Variants in SCN10A observed in about 807,000 individuals in gnomAD.
SCN10A encodes sodium channel protein type 10 subunit alpha.
A neutral mutation model predicts 170.7 loss-of-function variants in SCN10A; 162 were observed. The observed-to-expected ratio is 0.95, with a 90% CI of 0.84 to 1.08. SCN10A has a LOEUF of 1.08. Among genes scored for constraint, SCN10A ranks in the 50% least tolerant of loss-of-function variants. The pLI, the probability that SCN10A is intolerant of heterozygous loss-of-function variation, is 0.00. For synonymous variants in SCN10A, 985 were observed against 904.6 expected (o/e 1.09, Z -1.59); for missense variants, 2,527 against 2,436.9 (o/e 1.04, Z -0.78).
chr3:38,813,760 C>G (rs1366554862), intron 1 of SCN10A, among the ~76,000 whole-genome samples: 2 of 152,152 alleles, frequency 1.3e-5, no homozygotes, highest in Admixed American at 1.3e-4. Context: ...ATCTAATGAG[C>G]AAGATGGACC....
intron 8 of SCN10A, among the ~76,000 whole-genome samples, chr3:38,758,907 A>G (rs1306884413): frequency 2.0e-5 from 3 of 152,182 alleles, no homozygotes; most frequent in African/African-American, 7.2e-5. Flanking sequence ...GAGAAATGCC[A>G]TTATCTAGAC....
intron 26 of SCN10A, among the ~76,000 whole-genome samples, chr3:38,705,824 A>C (rs184687608): frequency 1.6e-4 from 24 of 152,286 alleles, no homozygotes; most frequent in Non-Finnish European, 2.9e-5. Flanking sequence ...CCACAAGTAA[A>C]GGCCAGTGTG....
chr3:38,741,018 A>T (rs1575985242), intron 14 of SCN10A, among the ~76,000 whole-genome samples: 1 of 152,300 alleles, frequency 6.6e-6, no homozygotes, highest in East Asian at 1.9e-4. Flanking sequence ...AACATGAGGC[A>T]TGCTGATTCC....
Position 38,698,385 on chromosome 3 carries a change from A to AC in SCN10A, c.4834_4835insG (p.Leu1612ArgfsTer68). 2 of 1,614,218 alleles carry AC rather than the reference A, an allele frequency of 1.2e-6. No individual in the cohort carries two copies. The highest frequency in any genetic ancestry group is 3.3e-4 in the Middle Eastern group (2 of 6,062). On this transcript the variant is annotated frameshift_variant, in exon 28 of 28. Transcript: ENST00000449082. LOFTEE classifies it high-confidence loss of function. ...GATGAACATGACAAGGAATAGCAAC[A>AC]GCCCGATGTTGAAGAGGGCAGGCAG...
At chr3:38,800,592 C>T (rs1405862841) in intron 1 of SCN10A, among the ~76,000 whole-genome samples, 1 of 152,072 alleles carries the variant, frequency 6.6e-6, no homozygotes, top group Non-Finnish European at 1.5e-5. Flanking sequence ...GAAAAAGAGA[C>T]CTGGCACCAA....
At position 38,752,388 on chromosome 3, in the gene SCN10A, T is replaced by A; in HGVS notation, c.1586A>T (p.Asp529Val). Residue 529 changes from aspartate to valine, a missense_variant, in exon 12 of 28, where the codon GAC becomes GTC. Transcript: ENST00000449082. ...GVTDDGVFPGDHESHRGSLLL... is the reference protein window; with the variant it reads ...GVTDDGVFPGVHESHRGSLLL... ...CAGAGAGCCCCGATGGCTTTCGTGG[T>A]CTCCAGGAAAGACTCCATCATCTGT... 1 of 1,613,896 alleles carries A rather than the reference T, an allele frequency of 6.2e-7. No homozygotes were observed. The highest frequency in any genetic ancestry group is 1.1e-5 in the South Asian group (1 of 91,002).
At chr3:38,772,730 C>CA (rs769751821) in intron 4 of SCN10A, among the ~76,000 whole-genome samples, 2 of 95,740 alleles carry the variant, frequency 2.1e-5, no homozygotes, top group African/African-American at 4.0e-5. Flanking sequence ...ACAACAAAAA[C>CA]AAAAACAAAA....
intron 11 of SCN10A, among the ~76,000 whole-genome samples, chr3:38,754,057 T>A (rs974813607): frequency 1.3e-5 from 2 of 152,210 alleles, no homozygotes; most frequent in African/African-American, 4.8e-5. Flanking sequence ...TGGGCTCCAA[T>A]AAATCAATTA....
intron 24 of SCN10A, among the ~76,000 whole-genome samples, chr3:38,710,447 C>T (rs575100124): frequency 2.6e-5 from 4 of 152,278 alleles, no homozygotes; most frequent in East Asian, 1.9e-4. Context: ...TGAACCACTG[C>T]GCCTGGCCCA....
rs1378862543 is a variant in SCN10A at position 38,707,275 on chromosome 3, T to A, written c.4386+4A>T. 5 of 1,613,582 alleles carry A rather than the reference T, an allele frequency of 3.1e-6. No homozygotes were observed. Among genetic ancestry groups the A allele is most frequent in the Non-Finnish European group, 2.5e-6 (3 of 1,179,936 alleles). ...CTGTGCTAGAGGAAACCTCTGGGGC[T>A]CACCAGGGGCCGTGGGATGGGCTTC... On this transcript the variant is annotated splice_donor_region_variant and intron_variant, in intron 26 of 27. Coordinates refer to ENST00000449082, the MANE Select transcript of SCN10A (RefSeq NM_006514.4).
intron 13 of SCN10A, among the ~76,000 whole-genome samples, chr3:38,748,262 T>G (rs749702419): frequency 3.3e-5 from 5 of 152,196 alleles, no homozygotes; most frequent in Non-Finnish European, 7.3e-5. Flanking sequence ...TGAAAAATGT[T>G]AGAAGTACAG....
Position 38,722,371 on chromosome 3 carries a change from T to G in SCN10A, c.3394A>C (p.Lys1132Gln), listed in dbSNP as rs756848600. 25 of 1,614,026 alleles carry G rather than the reference T, an allele frequency of 1.5e-5. No individual in the cohort carries two copies. The highest frequency in any genetic ancestry group is 1.6e-4 in the Middle Eastern group (1 of 6,084). ...HCPCCKLDTT[K>Q]SPWDVGWQVR... is the part of the protein sequence containing the mutation. ...TGCCAGCCCACATCCCATGGACTCT[T>G]GGTGGTATCCAGTTTGCAGCAGGGA... Residue 1132 changes from lysine (K) to glutamine (Q), a missense_variant, in exon 20 of 28, where the codon AAG (lysine) becomes CAG (glutamine). Coordinates refer to ENST00000449082, the MANE Select transcript of SCN10A (RefSeq NM_006514.4).
At chr3:38,753,933 A>G (rs1218588049) in intron 11 of SCN10A, among the ~76,000 whole-genome samples, 1 of 152,196 alleles carries the variant, frequency 6.6e-6, no homozygotes, top group Non-Finnish European at 1.5e-5. Context: ...TCTCTTCTAT[A>G]TATTCCTCTA....
intron 25 of SCN10A, among the ~76,000 whole-genome samples, chr3:38,708,766 A>G (rs2063238205): frequency 6.6e-6 from 1 of 152,160 alleles, no homozygotes; most frequent in African/African-American, 2.4e-5. Flanking sequence ...GGTTTAAAAT[A>G]TTGCCAGCAT....
In SCN10A at chr3:38,792,163, A is replaced by G. The variant is rs1326593448; in HGVS notation, c.276T>C (p.Phe92=). Residue 92 remains phenylalanine (F), a synonymous_variant, in exon 3 of 28, where the codon TTT becomes TTC. Transcript: ENST00000449082. The stretch of plus-strand genomic sequence containing the variant: ...TGGTCCTCCCTTTGTTCAGCACCAT[A>G]AATGTCTGAAACAAAACAAAACAGA... ...LDPFYSTHRT[F]MVLNKGRTIS... 1 of 1,613,368 alleles carries G rather than the reference A, an allele frequency of 6.2e-7. No individual in the cohort carries two copies. Among genetic ancestry groups the G allele is most frequent in the Admixed American group, 1.7e-5 (1 of 59,912 alleles).
chr3:38,798,459 A>G lies in SCN10A; in HGVS notation c.-32-4417T>C, dbSNP rs568806992. 2.0e-5 allele frequency among the ~76,000 whole-genome samples: 3 copies of G among 152,300 alleles called. No individual in the cohort carries two copies. In the South Asian group the frequency reaches 6.2e-4, roughly 32 times the overall value. On this transcript the variant is annotated intron_variant, in intron 1 of 27. Coordinates refer to ENST00000449082, the MANE Select transcript of SCN10A (RefSeq NM_006514.4). Reference sequence around the variant, plus strand: ...GACGGCTATAGTCCTTGCAACCTTAATTGGGAATCCCTATTTTAGAGTCTA... The same window carrying G: ...GACGGCTATAGTCCTTGCAACCTTAGTTGGGAATCCCTATTTTAGAGTCTA...
chr3:38,771,974 C>T (rs7611456), intron 4 of SCN10A, among the ~76,000 whole-genome samples: 100,906 of 152,038 alleles, frequency 0.66, 33,512 homozygotes, highest in East Asian at 0.71. Flanking sequence ...GAAAGAATTG[C>T]TTGAAAGTTT....
intron 3 of SCN10A, 31 bp downstream of exon 3, chr3:38,792,019 C>A: frequency 6.2e-7 from 1 of 1,611,126 alleles, no homozygotes; most frequent in Non-Finnish European, 8.5e-7. Context: ...CTAATTGTAA[C>A]ACGTGGAAGA....
intron 1 of SCN10A, among the ~76,000 whole-genome samples, chr3:38,811,778 C>A (rs2126067000): frequency 6.6e-6 from 1 of 152,290 alleles, no homozygotes; most frequent in Admixed American, 6.5e-5. Context: ...GGACTTTCTA[C>A]TGTCCAGGGC....
Sources: gnomAD v4.1 joint callset for allele counts (sites outside exome capture counted in the v4.1 genomes callset) on GRCh38, gnomAD v4.1.1 for gene constraint, MANE v1.5 for transcripts, NCBI Gene and HGNC (gene_info 2026-07-23, HGNC 2026-07-21) for gene names.